The following LSAMP variants were observed in gnomAD, a reference collection of about 807,000 sequenced individuals.
LSAMP encodes limbic system associated membrane protein.
Under a neutral mutation model 38.6 loss-of-function variants are expected in LSAMP, and 7 were observed. The observed-to-expected ratio is 0.18, with a 90% confidence interval of 0.10 to 0.34. The LOEUF (loss-of-function observed/expected upper bound fraction) is 0.34, where lower values mean the gene tolerates loss of function less well. Ranked by LOEUF, LSAMP falls within the 10% of genes least tolerant of loss-of-function variation. The probability of loss-of-function intolerance (pLI) is 1.00; values close to 1 mark genes in which losing one functional copy is unlikely to be tolerated. For missense variants in LSAMP, 313 were observed against 420.0 expected, an observed-to-expected ratio of 0.75 and a Z score of 2.23; for synonymous variants, 154 against 166.8, an observed-to-expected ratio of 0.92 and a Z score of 0.59.
At chr3:115,936,900 T>C (rs774478013) in intron 3 of LSAMP, among the ~76,000 whole-genome samples, 2 of 152,146 alleles carry the variant, frequency 1.3e-5, no homozygotes, top group Admixed American at 1.3e-4. Flanking sequence ...AACTTCAGAT[T>C]TAGATAGAGC....
At chr3:116,200,445 CAG>C (rs1390486384) in intron 1 of LSAMP, among the ~76,000 whole-genome samples, 2 of 152,158 alleles carry the variant, frequency 1.3e-5, no homozygotes, top group Non-Finnish European at 2.9e-5. Context: ...GTGGATTTTT[CAG>C]AGTCAGGTAG....
At chr3:116,196,898 G>A (rs1027540047) in intron 1 of LSAMP, among the ~76,000 whole-genome samples, 1 of 152,072 alleles carries the variant, frequency 6.6e-6, no homozygotes, top group East Asian at 1.9e-4. Context: ...TGCTTCTGCA[G>A]AACAACTCCT....
chr3:116,425,821 A>C (rs2049187335), intron 1 of LSAMP, among the ~76,000 whole-genome samples: 2 of 151,986 alleles, frequency 1.3e-5, no homozygotes, highest in South Asian at 4.1e-4. Flanking sequence ...GATGGGCTTA[A>C]AAAGAGTAAA....
chr3:116,016,541 C>A (rs1288339828), intron 3 of LSAMP, among the ~76,000 whole-genome samples: 1 of 152,186 alleles, frequency 6.6e-6, no homozygotes, highest in African/African-American at 2.4e-5. Context: ...TGCAGCAAAT[C>A]CTTGTCCTAT....
At chr3:115,823,617 G>A (rs1934316699) in intron 6 of LSAMP, among the ~76,000 whole-genome samples, 1 of 151,956 alleles carries the variant, frequency 6.6e-6, no homozygotes. Flanking sequence ...AAAACTATTT[G>A]TAAAAACAAA....
chr3:116,173,987 G>C (rs938212556), intron 1 of LSAMP, among the ~76,000 whole-genome samples: 60 of 151,844 alleles, frequency 4.0e-4, no homozygotes, highest in African/African-American at 1.5e-3. Context: ...TTTCAACTCT[G>C]ACAGTTTAAT....
At chr3:116,202,718 C>A (rs1208371490) in intron 1 of LSAMP, among the ~76,000 whole-genome samples, 2 of 152,122 alleles carry the variant, frequency 1.3e-5, no homozygotes, top group Non-Finnish European at 2.9e-5. Context: ...GCCACCATAC[C>A]CAAGCACCCT....
intron 4 of LSAMP, among the ~76,000 whole-genome samples, chr3:115,850,287 C>T (rs1399880314): frequency 6.6e-6 from 1 of 152,160 alleles, no homozygotes; most frequent in Non-Finnish European, 1.5e-5. Flanking sequence ...GAACCATCTG[C>T]AATCCAGACC....
intron 1 of LSAMP, among the ~76,000 whole-genome samples, chr3:116,256,143 G>T (rs1484663166): frequency 6.6e-6 from 1 of 152,208 alleles, no homozygotes; most frequent in Non-Finnish European, 1.5e-5. Context: ...ATTAGCAAAA[G>T]AAGGTTAAAA....
chr3:116,018,513 A>T (rs1007715460), intron 3 of LSAMP, among the ~76,000 whole-genome samples: 2 of 152,204 alleles, frequency 1.3e-5, no homozygotes, highest in Non-Finnish European at 2.9e-5. Context: ...TTAAGTGACT[A>T]TAAGATATAA....
chr3:116,381,969 A>T (rs1206692640), intron 1 of LSAMP, among the ~76,000 whole-genome samples: 1 of 152,146 alleles, frequency 6.6e-6, no homozygotes, highest in African/African-American at 2.4e-5. Context: ...AGACAAAAAA[A>T]TAGTTTTTAT....
intron 1 of LSAMP, among the ~76,000 whole-genome samples, chr3:116,295,182 C>G (rs1277874639): frequency 6.6e-6 from 1 of 152,024 alleles, no homozygotes; most frequent in African/African-American, 2.4e-5. Context: ...GTGTATTTAC[C>G]CTACTCGAGG....
rs377404788 is a variant in LSAMP, at chr3:116,390,077, C to A, written c.155+54800G>T. On this transcript the variant is annotated intron_variant, in intron 1 of 6. Transcript: ENST00000490035. ...GACTTGATTACCTCAGAAGGACCTT[C>A]CAGGTAAAAAAGTCAATGTATCTTC... Among the ~76,000 whole-genome samples, 7 of 151,672 alleles carry A rather than the reference C, an allele frequency of 4.6e-5. No homozygotes were observed. In the East Asian group the frequency reaches 7.8e-4, roughly 17 times the overall value.
chr3:115,929,513 C>A (rs981173908), intron 3 of LSAMP, among the ~76,000 whole-genome samples: 2 of 152,032 alleles, frequency 1.3e-5, no homozygotes, highest in African/African-American at 4.8e-5. Flanking sequence ...AGACAAAAAA[C>A]TTTCTTGATC....
intron 1 of LSAMP, among the ~76,000 whole-genome samples, chr3:116,188,728 C>T (rs1158533997): frequency 1.3e-5 from 2 of 152,120 alleles, no homozygotes; most frequent in Non-Finnish European, 2.9e-5. Flanking sequence ...ATTTCTTGAG[C>T]TTCTACTATA....
intron 1 of LSAMP, among the ~76,000 whole-genome samples, chr3:116,408,309 A>T (rs758310703): frequency 1.3e-5 from 2 of 152,102 alleles, no homozygotes; most frequent in Non-Finnish European, 2.9e-5. Context: ...TTTGTTCTAA[A>T]AGTGCAGAAA....
At chr3:116,316,659 T>G (rs1000095861) in intron 1 of LSAMP, among the ~76,000 whole-genome samples, 4 of 150,830 alleles carry the variant, frequency 2.7e-5, no homozygotes, top group East Asian at 2.0e-4. Context: ...TAATCCCAGC[T>G]ACTCAGGAGG....
At chr3:116,275,412 A>G (rs2047035905) in intron 1 of LSAMP, among the ~76,000 whole-genome samples, 1 of 152,138 alleles carries the variant, frequency 6.6e-6, no homozygotes, top group African/African-American at 2.4e-5. Context: ...TAAAAAAATT[A>G]TGTTTAAGCA....
chr3:115,931,067 C>A (rs1379382812), intron 3 of LSAMP, among the ~76,000 whole-genome samples: 3 of 152,248 alleles, frequency 2.0e-5, no homozygotes, highest in Non-Finnish European at 2.9e-5. Context: ...TGATAAGCAA[C>A]CCAATTGGGT....
Sources: allele counts gnomAD v4.1 joint callset (sites outside exome capture counted in the v4.1 genomes callset), GRCh38; gene constraint gnomAD v4.1.1; transcripts MANE v1.5; gene names NCBI Gene and HGNC (gene_info 2026-07-23, HGNC 2026-07-21).